PCNX2: variants seen among roughly 807,000 people sequenced by gnomAD.
PCNX2 encodes pecanex 2, also known as pecanex-like protein 2.
PCNX2 carries 168 observed loss-of-function variants against 223.8 expected under a neutral mutation model. The ratio of observed to expected loss-of-function variants is 0.75; its 90% CI spans 0.66 to 0.85. The LOEUF (loss-of-function observed/expected upper bound fraction) is 0.85, where lower values mean the gene tolerates loss of function less well. PCNX2 is among the 40% of genes least tolerant of loss of function. The pLI is 0.00. For missense variants in PCNX2, 2,507 were observed against 2,675.5 expected, an observed-to-expected ratio of 0.94 and a Z score of 1.39; for synonymous variants, 1,006 against 1,052.6, an observed-to-expected ratio of 0.96 and a Z score of 0.86.
At chr1:232,996,985 A>G (rs952412674) in intron 32 of PCNX2, among the ~76,000 whole-genome samples, 4 of 149,754 alleles carry the variant, frequency 2.7e-5, no homozygotes, top group Non-Finnish European at 3.0e-5. Flanking sequence ...TGTACAATTG[A>G]CTGTTTCTCT....
In PCNX2 at chr1:233,251,571, C is replaced by T. The variant is rs117494137; in HGVS notation, c.2129-739G>A. On this transcript the variant is annotated intron_variant, in intron 7 of 33. Transcript: ENST00000258229. ...TTTCCACCAAGAGAAACTGTAATGACAACCGCAGCCCCTGTGGAGGCTTTC... is the reference window on the plus strand; with the variant it reads ...TTTCCACCAAGAGAAACTGTAATGATAACCGCAGCCCCTGTGGAGGCTTTC... Among the ~76,000 whole-genome samples the T allele has an allele frequency of 1.6e-4, 24 of 152,346 alleles. No individual in the cohort carries two copies. In the East Asian group the frequency reaches 4.4e-3, roughly 28 times the overall value.
chr1:233,068,920 G>A (rs1224304562), intron 23 of PCNX2, among the ~76,000 whole-genome samples: 2 of 152,096 alleles, frequency 1.3e-5, no homozygotes, highest in East Asian at 1.9e-4. Context: ...TATGACCTAC[G>A]CTGCCTACAA....
In PCNX2 at chr1:233,091,075, T is replaced by C. The variant is rs113483097; in HGVS notation, c.3947-885A>G. On this transcript the variant is annotated intron_variant, in intron 22 of 33. Coordinates refer to ENST00000258229, the MANE Select transcript of PCNX2 (RefSeq NM_014801.4). The stretch of plus-strand genomic sequence containing the variant: ...TGCAGAGGTTCTGTGGGGCCTGTGG[T>C]TGGAAGCACAAGAGAGAACTGCTGG... Among the ~76,000 whole-genome samples the C allele has an allele frequency of 3.9e-3, 597 of 152,188 alleles. 5 individuals are homozygous for C. Among genetic ancestry groups the C allele is most frequent in the African/African-American group, 0.014 (580 of 41,520 alleles).
chr1:233,304,805 A>G, the PCNX2 span, among the ~76,000 whole-genome samples: 36,013 of 152,108 alleles, frequency 0.24, 5,338 homozygotes, highest in East Asian at 0.43. Context: ...GTTCCCCCAA[A>G]TGACAGGTCT....
intron 13 of PCNX2, among the ~76,000 whole-genome samples, chr1:233,206,096 T>C (rs889280123): frequency 1.3e-5 from 2 of 151,990 alleles, no homozygotes; most frequent in Non-Finnish European, 2.9e-5. Context: ...GGGGCCACAG[T>C]AATTACGGCT....
At chr1:233,071,933 C>T (rs979404396) in intron 23 of PCNX2, among the ~76,000 whole-genome samples, 1 of 152,192 alleles carries the variant, frequency 6.6e-6, no homozygotes, top group Non-Finnish European at 1.5e-5. Context: ...CGCTTGGCTG[C>T]ATGTATGTAT....
chr1:233,255,166 C>T (rs1659663089), intron 5 of PCNX2, among the ~76,000 whole-genome samples: 1 of 152,118 alleles, frequency 6.6e-6, no homozygotes, highest in Non-Finnish European at 1.5e-5. Flanking sequence ...ATCCAGGAAG[C>T]CAAACAATAA....
Position 233,253,547 on chromosome 1 carries a change from T to C in PCNX2, c.1835-759A>G, listed in dbSNP as rs1659572912. Among the ~76,000 whole-genome samples, 1 of 152,214 alleles carries C rather than the reference T, an allele frequency of 6.6e-6. No homozygotes were observed. The highest frequency in any genetic ancestry group is 1.5e-5 in the Non-Finnish European group (1 of 68,032). On this transcript the variant is annotated intron_variant, in intron 5 of 33. Coordinates refer to ENST00000258229, the MANE Select transcript of PCNX2 (RefSeq NM_014801.4). This position sits in a 1 kb window ranked among gnomAD's most constrained non-coding sequence, Gnocchi z 4.2. ...TTTATGTAGGTATAGGGGCACGCTA[T>C]GTTGTTCAGGCTGGTCTTGAACTCC...
In PCNX2 at chr1:233,262,998, CCTT is replaced by C; in HGVS notation, c.316_318del (p.Lys106del). 6.2e-7 allele frequency: 1 copy of C among 1,613,692 alleles called. No homozygotes were observed. The highest frequency in any genetic ancestry group is 8.5e-7 in the Non-Finnish European group (1 of 1,179,800). On this transcript the variant is annotated inframe_deletion, in exon 2 of 34. Transcript: ENST00000258229. ...TTAGTTATGTGTTCACCTTTGGCCTCCTTGTCTTTATTTGGCTTTTCTTCCTTT... is the reference window on the plus strand; with the variant it reads ...TTAGTTATGTGTTCACCTTTGGCCTCGTCTTTATTTGGCTTTTCTTCCTTT...
intron 25 of PCNX2, among the ~76,000 whole-genome samples, chr1:233,036,966 C>A (rs1244101182): frequency 6.6e-6 from 1 of 152,168 alleles, no homozygotes; most frequent in Non-Finnish European, 1.5e-5. Flanking sequence ...TTCCCTGAAA[C>A]CATCAGGGCC....
Position 233,263,157 on chromosome 1 carries a change from G to C in PCNX2, c.160C>G (p.Pro54Ala). 6.2e-7 allele frequency: 1 copy of C among 1,603,380 alleles called. No individual in the cohort carries two copies. Among genetic ancestry groups the C allele is most frequent in the Non-Finnish European group, 8.5e-7 (1 of 1,174,668 alleles). ...LLPLALHLAFPPNAIIVFFYC... is the reference protein window; with the variant it reads ...LLPLALHLAFAPNAIIVFFYC... The stretch of plus-strand genomic sequence containing the variant: ...AAAAATACAATGATCGCATTTGGAG[G>C]AAAAGCCTGAAGAAAGGAAAAGACA... The change falls in exon 2 of 34, where the codon CCT (proline) becomes GCT (alanine). Residue 54 changes from proline (P) to alanine (A), a missense_variant. Transcript: ENST00000258229.
chr1:233,193,498 C>T (rs2102882484), intron 15 of PCNX2, among the ~76,000 whole-genome samples: 1 of 152,254 alleles, frequency 6.6e-6, no homozygotes, highest in East Asian at 1.9e-4. Flanking sequence ...AAGAATTCTA[C>T]AAAAATTCAA....
At chr1:233,027,988 T>A (rs573637023) in intron 25 of PCNX2, among the ~76,000 whole-genome samples, 1 of 152,360 alleles carries the variant, frequency 6.6e-6, no homozygotes, top group South Asian at 2.1e-4. Context: ...AGTTATTCCT[T>A]TCTTGACTCC....
At chr1:233,149,228 T>G (rs1254894977) in intron 19 of PCNX2, among the ~76,000 whole-genome samples, 1 of 152,264 alleles carries the variant, frequency 6.6e-6, no homozygotes, top group African/African-American at 2.4e-5. Flanking sequence ...AGTTTATATA[T>G]AACTCATTAC....
At chr1:233,035,938 G>C (rs963971753) in intron 25 of PCNX2, among the ~76,000 whole-genome samples, 2 of 152,162 alleles carry the variant, frequency 1.3e-5, no homozygotes, top group East Asian at 1.9e-4. Flanking sequence ...ATTAACAGGA[G>C]GAGGGCCCCC....
At chr1:233,132,662 G>A (rs1277647883) in intron 21 of PCNX2, among the ~76,000 whole-genome samples, 1 of 152,168 alleles carries the variant, frequency 6.6e-6, no homozygotes, top group African/African-American at 2.4e-5. Flanking sequence ...CAAACACAGT[G>A]TGTCACTTCC....
chr1:233,186,908 C>T (rs1237358462), intron 15 of PCNX2, among the ~76,000 whole-genome samples: 1 of 152,166 alleles, frequency 6.6e-6, no homozygotes, highest in African/African-American at 2.4e-5. Flanking sequence ...CACACACACA[C>T]AAATACGTGT....
intron 25 of PCNX2, chr1:233,033,122 G>C (rs191815241): frequency 6.7e-4 from 665 of 985,378 alleles, no homozygotes; most frequent in Non-Finnish European, 7.8e-4. Context: ...AGCTGGCAAG[G>C]CTGTCTCTGT....
intron 23 of PCNX2, among the ~76,000 whole-genome samples, chr1:233,087,903 G>C (rs1673683582): frequency 6.6e-6 from 1 of 152,166 alleles, no homozygotes; most frequent in South Asian, 2.1e-4. Flanking sequence ...GCCAGAGGCA[G>C]ACACCCCACA....
Sources: gnomAD v4.1 joint callset for allele counts (sites outside exome capture counted in the v4.1 genomes callset) on GRCh38, gnomAD v4.1.1 for gene constraint, Gnocchi (gnomAD v3.1) non-coding constraint, MANE v1.5 for transcripts, NCBI Gene and HGNC (gene_info 2026-07-23, HGNC 2026-07-21) for gene names.